The following RORA variants were observed in gnomAD, a reference collection of about 807,000 sequenced individuals.
RORA encodes the protein nuclear receptor ROR-alpha.
In RORA, 7 loss-of-function variants were observed where a neutral mutation model predicts 69.5. The ratio of observed to expected loss-of-function variants is 0.10; its 90% CI spans 0.06 to 0.19. The LOEUF is 0.19. RORA is among the 10% of genes least tolerant of loss of function. The pLI, the probability that RORA is intolerant of heterozygous loss-of-function variation, is 1.00. For synonymous variants in RORA, 261 were observed against 240.8 expected (o/e 1.08, Z -0.78); for missense variants, 457 against 663.0 (o/e 0.69, Z 3.41).
intron 1 of RORA, among the ~76,000 whole-genome samples, chr15:61,185,016 A>G (rs892434890): frequency 1.3e-5 from 2 of 151,554 alleles, no homozygotes; most frequent in Admixed American, 6.6e-5. Context: ...AAGAAGAAGA[A>G]GAAGAAGAAG....
intron 1 of RORA, among the ~76,000 whole-genome samples, chr15:60,988,353 G>C (rs565470904): frequency 6.6e-6 from 1 of 152,240 alleles, no homozygotes; most frequent in Admixed American, 6.5e-5. Flanking sequence ...CATGCTAATA[G>C]CCAGGAAGTC....
intron 1 of RORA, among the ~76,000 whole-genome samples, chr15:61,162,693 A>T (rs1040032407): frequency 5.3e-5 from 8 of 152,224 alleles, no homozygotes; most frequent in Non-Finnish European, 1.2e-4. Context: ...GTTTTATTAA[A>T]TATCTATGGA....
chr15:60,549,233 T>A (rs2067161251), intron 2 of RORA, among the ~76,000 whole-genome samples: 1 of 152,178 alleles, frequency 6.6e-6, no homozygotes. Flanking sequence ...TTCCATCTAC[T>A]CTCTTGCTCT....
At chr15:60,870,147 G>A (rs8031303) in intron 1 of RORA, among the ~76,000 whole-genome samples, 3,471 of 152,258 alleles carry the variant, frequency 0.023, 122 homozygotes, top group African/African-American at 0.078. Flanking sequence ...AGGTTATTCC[G>A]TTACTAGCCA....
chr15:60,775,894 G>A (rs1457256091), intron 1 of RORA, among the ~76,000 whole-genome samples: 1 of 152,158 alleles, frequency 6.6e-6, no homozygotes, highest in African/African-American at 2.4e-5. Flanking sequence ...ATACAATGCG[G>A]CAGGGGAAAA....
chr15:61,022,428 C>A (rs983486633), intron 1 of RORA, among the ~76,000 whole-genome samples: 1 of 152,152 alleles, frequency 6.6e-6, no homozygotes, highest in African/African-American at 2.4e-5. Context: ...GTGTGTGTGG[C>A]TGCTGGGCTT....
At chr15:60,725,045 A>G (rs1221931356) in intron 1 of RORA, among the ~76,000 whole-genome samples, 1 of 152,250 alleles carries the variant, frequency 6.6e-6, no homozygotes, top group Non-Finnish European at 1.5e-5. Flanking sequence ...AGATTTTATC[A>G]AAGCAGAAAG....
rs116697553 is a variant in RORA at position 60,867,658 on chromosome 15, G to T, written c.167-188972C>A. Among the ~76,000 whole-genome samples, 579 of 152,180 alleles carry T rather than the reference G, an allele frequency of 3.8e-3. 9 individuals are homozygous for T. The highest frequency in any genetic ancestry group is 0.013 in the African/African-American group (558 of 41,480). ...CATTAGAGCCTAAGTGTATCAATGTGCTAAATAATTAATATGTACTCTATA... is the reference window on the plus strand; with the variant it reads ...CATTAGAGCCTAAGTGTATCAATGTTCTAAATAATTAATATGTACTCTATA... On this transcript the variant is annotated intron_variant, in intron 1 of 10. Coordinates refer to ENST00000335670, the MANE Select transcript of RORA (RefSeq NM_134261.3).
At chr15:60,706,320 C>A (rs1459630171) in intron 1 of RORA, 1 of 152,330 alleles carries the variant, frequency 6.6e-6, no homozygotes, top group Non-Finnish European at 1.5e-5. Flanking sequence ...ACACAGCACC[C>A]TCAAGCAGCA....
intron 1 of RORA, among the ~76,000 whole-genome samples, chr15:61,067,033 A>AGCCCAAGTGCTCTAGCTC (rs2078271198): frequency 6.6e-6 from 1 of 152,030 alleles, no homozygotes; most frequent in Admixed American, 6.5e-5. Context: ...TTAAAGATTT[A>AGCCCAAGTGCTCTAGCTC]GCCCAAGTGC....
intron 1 of RORA, among the ~76,000 whole-genome samples, chr15:61,085,359 G>A (rs567901284): frequency 4.6e-5 from 7 of 152,220 alleles, no homozygotes; most frequent in Non-Finnish European, 1.0e-4. Flanking sequence ...GTGGGAAAGT[G>A]ACCTGCCCAC....
chr15:60,937,855 G>A (rs745641600), intron 1 of RORA, among the ~76,000 whole-genome samples: 1 of 152,184 alleles, frequency 6.6e-6, no homozygotes, highest in Non-Finnish European at 1.5e-5. Flanking sequence ...TCGCAGTTAG[G>A]ACCAATGAAG....
intron 1 of RORA, among the ~76,000 whole-genome samples, chr15:60,724,207 C>T (rs765444151): frequency 2.4e-4 from 37 of 152,256 alleles, no homozygotes; most frequent in South Asian, 4.2e-4. Context: ...AATACAATTA[C>T]CCTGCTAGAT....
chr15:61,210,919 C>G (rs1260516669), intron 1 of RORA, among the ~76,000 whole-genome samples: 2 of 152,236 alleles, frequency 1.3e-5, no homozygotes, highest in Non-Finnish European at 2.9e-5. Flanking sequence ...GGCCCTGACC[C>G]TCAGCTGTCG....
intron 3 of RORA, among the ~76,000 whole-genome samples, chr15:60,518,071 C>T (rs1303140260): frequency 6.6e-6 from 1 of 152,056 alleles, no homozygotes; most frequent in East Asian, 1.9e-4. Flanking sequence ...GCTATGTTGC[C>T]CAGGCTGGTC....
At chr15:60,737,906 G>A (rs2071523890) in intron 1 of RORA, among the ~76,000 whole-genome samples, 1 of 152,218 alleles carries the variant, frequency 6.6e-6, no homozygotes, top group East Asian at 1.9e-4. Flanking sequence ...TTCGGTGACA[G>A]CCGTCCACTT....
At chr15:61,023,187 C>CAAAAAA (rs35185635) in intron 1 of RORA, among the ~76,000 whole-genome samples, 3 of 75,686 alleles carry the variant, frequency 4.0e-5, no homozygotes, top group East Asian at 3.5e-4. Flanking sequence ...GACTCTGCCT[C>CAAAAAA]AAAAAAAAAA....
At chr15:60,743,075 C>T (rs1376743021) in intron 1 of RORA, among the ~76,000 whole-genome samples, 1 of 140,588 alleles carries the variant, frequency 7.1e-6, no homozygotes, top group East Asian at 2.1e-4. Context: ...AGTACAGTGG[C>T]ACAATCTCGG....
chr15:61,045,599 C>G (rs1411255695), intron 1 of RORA, among the ~76,000 whole-genome samples: 2 of 152,146 alleles, frequency 1.3e-5, no homozygotes, highest in African/African-American at 4.8e-5. Flanking sequence ...GTGCCCAGAT[C>G]ATCCAAGGGG....
Sources: gnomAD v4.1 joint callset for allele counts (sites outside exome capture counted in the v4.1 genomes callset) on GRCh38, gnomAD v4.1.1 for gene constraint, MANE v1.5 for transcripts, NCBI Gene and HGNC (gene_info 2026-07-23, HGNC 2026-07-21) for gene names.